MUC12: variants seen among roughly 807,000 people sequenced by gnomAD.
The protein encoded by MUC12 is mucin-12.
Under a neutral mutation model 230.8 loss-of-function variants are expected in MUC12, and 172 were observed. The observed-to-expected ratio is 0.75, with a 90% CI of 0.66 to 0.85. The LOEUF (loss-of-function observed/expected upper bound fraction) is 0.85. MUC12 is among the 40% of genes least tolerant of loss of function. The probability of loss-of-function intolerance (pLI) is 0.00; values close to 1 mark genes in which losing one functional copy is unlikely to be tolerated. For synonymous variants in MUC12, 1,259 were observed against 2,401.9 expected, an observed-to-expected ratio of 0.52 and a Z score of 13.91; for missense variants, 3,506 against 5,920.6, an observed-to-expected ratio of 0.59 and a Z score of 13.38.
At chr7:101,012,687 T>C in intron 6 of MUC12, 132 bp from the exon 7 acceptor site, 1 of 1,078,152 alleles carries the variant, frequency 9.3e-7, no homozygotes, top group Non-Finnish European at 1.4e-6. Flanking sequence ...GCTGCATGTC[T>C]AGGGTGGGCA....
In MUC12 at chr7:100,992,277, T is replaced by A; in HGVS notation, c.1714T>A (p.Ser572Thr). The change falls in exon 2 of 12, where the codon TCC becomes ACC. Residue 572 changes from serine to threonine, a missense_variant. Transcript: ENST00000536621. ...TLSPGSTTASSLGPEYTTFHS... is the reference protein window; with the variant it reads ...TLSPGSTTASTLGPEYTTFHS... ...GTCCCCTGGCAGTACCACAGCATCA[T>A]CCCTTGGTCCAGAATATACTACCTT... The A allele has an allele frequency of 6.5e-7, 1 of 1,536,670 alleles. No individual in the cohort carries two copies. Among genetic ancestry groups the A allele is most frequent in the Non-Finnish European group, 8.7e-7 (1 of 1,146,194 alleles).
chr7:101,011,953 A>G (rs1793844401), intron 5 of MUC12, among the ~76,000 whole-genome samples: 1 of 152,142 alleles, frequency 6.6e-6, no homozygotes, highest in South Asian at 2.1e-4. Context: ...AAATTTTTTG[A>G]GGAGCTCCAT....
chr7:101,004,688 G>T lies in MUC12; in HGVS notation c.14125G>T (p.Ala4709Ser), dbSNP rs781451678. Residue 4709 changes from alanine to serine, a missense_variant, in exon 2 of 12, where the codon GCA (alanine) becomes TCA (serine). Physicochemically the swap from Ala to Ser is moderately conservative, Grantham distance 99 (BLOSUM62 1). Coordinates refer to ENST00000536621, the MANE Select transcript of MUC12 (RefSeq NM_001164462.2). ...CCATTTTACTACCTCAGGCCGCATT[G>T]CAGAATCTACCACCTTCTATATCTC... ...PAHFTTSGRI[A>S]ESTTFYISPG... 9 of 1,537,626 alleles carry T rather than the reference G, an allele frequency of 5.9e-6. No homozygotes were observed. Among genetic ancestry groups the T allele is most frequent in the Non-Finnish European group, 8.7e-7 (1 of 1,147,036 alleles).
chr7:101,018,651 C>G lies in MUC12; in HGVS notation c.*15C>G. 7 of 1,534,880 alleles carry G rather than the reference C, an allele frequency of 4.6e-6. No individual in the cohort carries two copies. The highest frequency in any genetic ancestry group is 6.1e-6 in the Non-Finnish European group (7 of 1,145,526). On this transcript the variant is annotated 3_prime_UTR_variant, in exon 12 of 12. Coordinates refer to ENST00000536621, the MANE Select transcript of MUC12 (RefSeq NM_001164462.2). Reference sequence around the variant, plus strand: ...CCACTGTGTGAGCCAACGGGGGCCTCCCACCCTCATCTAGCTCTGTTCAGG... The same window carrying G: ...CCACTGTGTGAGCCAACGGGGGCCTGCCACCCTCATCTAGCTCTGTTCAGG...
chr7:101,008,857 T>A, intron 4 of MUC12, 96 bp downstream of exon 4: 1 of 1,430,734 alleles, frequency 7.0e-7, no homozygotes, highest in Non-Finnish European at 9.3e-7. Context: ...GTTCTTCTGC[T>A]CATGAGCCCC....
In MUC12 at chr7:101,009,132, A is replaced by G; in HGVS notation, c.15224A>G (p.Tyr5075Cys). The G allele has an allele frequency of 1.3e-6, 2 of 1,537,872 alleles. No individual in the cohort carries two copies. The highest frequency in any genetic ancestry group is 1.7e-6 in the Non-Finnish European group (2 of 1,147,044). Residue 5075 changes from tyrosine to cysteine, a missense_variant, in exon 5 of 12, where the codon TAT becomes TGT. By Grantham distance (194) the Tyr-to-Cys change is radical (BLOSUM62 -2). Coordinates refer to ENST00000536621, the MANE Select transcript of MUC12 (RefSeq NM_001164462.2). ...VVLKGDNLPQ[Y>C]RGVNIRRLLN... ...TTGAAGGGCGACAATCTTCCTCAGT[A>G]TAGAGGGGTGAACATTCGGAGATTG... is the stretch of plus-strand genomic sequence containing the variant.
chr7:100,990,607 T>G (rs763761101), intron 1 of MUC12, 24 bp from the exon 2 acceptor site: 43 of 1,537,046 alleles, frequency 2.8e-5, no homozygotes, highest in Middle Eastern at 1.7e-4. Flanking sequence ...CATAGCACTT[T>G]CTCTGGTTTC....
chr7:101,008,507 A>C (rs1251223063), intron 3 of MUC12, 127 bp from the exon 4 acceptor site: 2 of 1,294,828 alleles, frequency 1.5e-6, no homozygotes, highest in Non-Finnish European at 2.1e-6. Context: ...GAGACAGGGA[A>C]CAGTGACCCC....
Position 100,992,971 on chromosome 7 carries a change from G to A in MUC12, c.2408G>A (p.Gly803Asp), listed in dbSNP as rs1261221360. ...TCTACGACCTCACCCATCAGTTCAGGCTCAATGGAAACGACAGCGTTACCC... is the reference window on the plus strand; with the variant it reads ...TCTACGACCTCACCCATCAGTTCAGACTCAATGGAAACGACAGCGTTACCC... ...GESTTSPISS[G>D]SMETTALPGS... The change falls in exon 2 of 12, where the codon GGC (glycine) becomes GAC (aspartate). Residue 803 changes from glycine (G) to aspartate (D), a missense_variant. Transcript: ENST00000536621. The A allele has an allele frequency of 4.6e-6, 7 of 1,537,396 alleles. No individual in the cohort carries two copies. Among genetic ancestry groups the A allele is most frequent in the Middle Eastern group, 1.7e-4 (1 of 5,990 alleles).
At chr7:100,987,710 C>T (rs896029044) in intron 1 of MUC12, among the ~76,000 whole-genome samples, 4 of 152,108 alleles carry the variant, frequency 2.6e-5, no homozygotes, top group Non-Finnish European at 2.9e-5. Context: ...CGGTGGCTCG[C>T]GCCTGTAATC....
At position 100,990,707 on chromosome 7, in the gene MUC12, C is replaced by T. The variant is rs1329935947; in HGVS notation, c.144C>T (p.Thr48=). Residue 48 remains threonine (T), a synonymous_variant, in exon 2 of 12, where the codon ACC becomes ACT. Transcript: ENST00000536621. ...CCAGTTCAAGCGACCCTTTTACCAC[C>T]TTTAGTGACTATGGGGTGTCAGTCA... The part of the protein sequence containing the change: ...STPSSSDPFT[T]FSDYGVSVTF... The T allele has an allele frequency of 2.0e-6, 3 of 1,537,894 alleles. No homozygotes were observed. Among genetic ancestry groups the T allele is most frequent in the South Asian group, 2.4e-5 (2 of 84,060 alleles).
rs1375182350 is a variant in MUC12, at chr7:101,004,530, C to G, written c.13967C>G (p.Thr4656Ser). The change falls in exon 2 of 12, where the codon ACC becomes AGC. Residue 4656 changes from threonine to serine, a missense_variant. By Grantham distance (58) the Thr-to-Ser change is moderately conservative (BLOSUM62 1). Transcript: ENST00000536621. ...STTSALVEEP[T>S]SYHSSPGSIA... is the part of the protein sequence containing the mutation. Reference sequence around the variant, plus strand: ...ACATCTGCCCTTGTTGAAGAACCTACCAGCTACCACAGCAGCCCGGGCTCA... The same window carrying G: ...ACATCTGCCCTTGTTGAAGAACCTAGCAGCTACCACAGCAGCCCGGGCTCA... 12 of 1,536,350 alleles carry G rather than the reference C, an allele frequency of 7.8e-6. No individual in the cohort carries two copies. Among genetic ancestry groups the G allele is most frequent in the South Asian group, 4.8e-5 (4 of 83,972 alleles).
Position 101,009,750 on chromosome 7 carries a change from A to G in MUC12, c.15251+591A>G, listed in dbSNP as rs373478406. 6.2e-4 allele frequency among the ~76,000 whole-genome samples: 95 copies of G among 152,256 alleles called. No individual in the cohort carries two copies. The Middle Eastern group carries it at 0.01, about 16-fold the overall frequency. ...ATCCAGAGAGAGGGAAGGGAAGGAG[A>G]GGCAGTTGCAGCAGAGGGAATCGAT... is the stretch of plus-strand genomic sequence containing the variant. On this transcript the variant is annotated intron_variant, in intron 5 of 11. Coordinates refer to ENST00000536621, the MANE Select transcript of MUC12 (RefSeq NM_001164462.2).
Position 101,017,574 on chromosome 7 carries a change from G to A in MUC12, c.15878-1G>A, listed in dbSNP as rs1476075205. The A allele has an allele frequency of 9.1e-6, 14 of 1,533,322 alleles. No homozygotes were observed. Among genetic ancestry groups the A allele is most frequent in the Non-Finnish European group, 1.2e-5 (14 of 1,144,128 alleles). The allele number at this position is 1,533,322 out of a possible 1,614,324, so 95.0% of individuals were successfully genotyped here. A position where few individuals can be genotyped will look rare whatever the true frequency, so the allele number is the denominator to read the frequency against. ...TCACTCATCACGGCCTCTCCCTACA[G>A]ACCAGAATCTGAGGGAGAGCAGATT... On this transcript the variant is annotated splice_acceptor_variant, in intron 10 of 11. Coordinates refer to ENST00000536621, the MANE Select transcript of MUC12 (RefSeq NM_001164462.2). LOFTEE classifies it high-confidence loss of function.
chr7:101,014,805 A>G (rs1044413851), intron 9 of MUC12, among the ~76,000 whole-genome samples: 1 of 151,780 alleles, frequency 6.6e-6, no homozygotes, highest in African/African-American at 2.4e-5. Context: ...AAATTAAATT[A>G]AATTAAATTA....
In MUC12 at chr7:100,992,911, C is replaced by G. The variant is rs1356676442; in HGVS notation, c.2348C>G (p.Pro783Arg). ...GACGCAACGGGAACAATAGTCCTACCTGCCCGCTCCACAACCTCAGTTCTT... is the reference window on the plus strand; with the variant it reads ...GACGCAACGGGAACAATAGTCCTACGTGCCCGCTCCACAACCTCAGTTCTT... Reference protein sequence around the residue: ...SQDATGTIVLPARSTTSVLLG... With the variant: ...SQDATGTIVLRARSTTSVLLG... The change falls in exon 2 of 12, where the codon CCT becomes CGT. Residue 783 changes from proline (P) to arginine (R), a missense_variant. Transcript: ENST00000536621. 17 of 1,537,458 alleles carry G rather than the reference C, an allele frequency of 1.1e-5. No individual in the cohort carries two copies. The highest frequency in any genetic ancestry group is 1.5e-5 in the Non-Finnish European group (17 of 1,147,040).
chr7:100,986,417 CAA>C (rs111411249), intron 1 of MUC12, among the ~76,000 whole-genome samples: 2 of 135,036 alleles, frequency 1.5e-5, no homozygotes, highest in African/African-American at 2.8e-5. Flanking sequence ...GACCCTGTCT[CAA>C]AAAAAAAAAA....
chr7:100,974,070 G>A (rs1792969765), intron 1 of MUC12, among the ~76,000 whole-genome samples: 1 of 152,042 alleles, frequency 6.6e-6, no homozygotes, highest in Non-Finnish European at 1.5e-5. Flanking sequence ...GATCTCTTGA[G>A]TCCAGGAATT....
chr7:100,977,464 C>T (rs1418876767), intron 1 of MUC12, among the ~76,000 whole-genome samples: 1 of 151,550 alleles, frequency 6.6e-6, no homozygotes, highest in African/African-American at 2.4e-5. Context: ...CCTCCCGGTT[C>T]AAGCAATTCT....
Sources: allele counts gnomAD v4.1 joint callset (sites outside exome capture counted in the v4.1 genomes callset), GRCh38; gene constraint gnomAD v4.1.1; transcripts MANE v1.5; gene names NCBI Gene and HGNC (gene_info 2026-07-23, HGNC 2026-07-21).